Variants in NLK observed in about 807,000 individuals in gnomAD.
NLK encodes serine/threonine-protein kinase NLK.
In NLK, 11 loss-of-function variants were observed where a neutral mutation model predicts 59.0. The ratio of observed to expected loss-of-function variants is 0.19; its 90% confidence interval spans 0.12 to 0.31. NLK has a LOEUF of 0.31. Ranked by LOEUF, NLK falls within the 10% of genes least tolerant of loss-of-function variation. NLK has a pLI of 1.00. For synonymous variants in NLK, 235 were observed against 235.9 expected (o/e 1.00, Z 0.03); for missense variants, 410 against 661.1 (o/e 0.62, Z 4.16).
At chr17:28,129,067 CTT>C (rs757873699) in intron 2 of NLK, among the ~76,000 whole-genome samples, 34 of 152,204 alleles carry the variant, frequency 2.2e-4, no homozygotes, top group Non-Finnish European at 3.8e-4. Context: ...AGACTTCACT[CTT>C]TATTATGCAG....
chr17:28,192,571 G>A, intron 10 of NLK, among the ~76,000 whole-genome samples: 1 of 152,110 alleles, frequency 6.6e-6, no homozygotes, highest in South Asian at 2.1e-4. Context: ...GGGAGGCTGA[G>A]GCAGGAGAAT....
At chr17:28,151,252 T>C (rs1446795043) in intron 3 of NLK, among the ~76,000 whole-genome samples, 4 of 152,170 alleles carry the variant, frequency 2.6e-5, no homozygotes, top group Admixed American at 2.6e-4. Flanking sequence ...ATGCTGGGGA[T>C]TGAGACTTCA....
At chr17:28,096,375 A>G (rs918880095) in intron 1 of NLK, among the ~76,000 whole-genome samples, 1 of 152,192 alleles carries the variant, frequency 6.6e-6, no homozygotes, top group East Asian at 1.9e-4. Flanking sequence ...AAGCTAACCA[A>G]AAGCTTGCAG....
At position 28,175,450 on chromosome 17, in the gene NLK, C is replaced by CA. The variant is rs756212992; in HGVS notation, c.1149+2847dup. Among the ~76,000 whole-genome samples the CA allele has an allele frequency of 9.1e-3, 1,173 of 129,592 alleles. 10 individuals carry two copies. The highest frequency in any genetic ancestry group is 0.015 in the South Asian group (62 of 4,036). 85.0% of individuals were successfully genotyped at this position (129,592 alleles called of 152,430 possible). On this transcript the variant is annotated intron_variant, in intron 7 of 10. Coordinates refer to ENST00000407008, the MANE Select transcript of NLK (RefSeq NM_016231.5). ...TGGGCGACACAGCAAGACTTCGTCT[C>CA]AAAAAAAAAAAAAAATAGTGTAGTG...
At chr17:28,140,840 A>G (rs1906960748) in intron 3 of NLK, among the ~76,000 whole-genome samples, 1 of 152,042 alleles carries the variant, frequency 6.6e-6, no homozygotes, top group Non-Finnish European at 1.5e-5. Flanking sequence ...GCAACTTAAT[A>G]ATTTTCATAG....
At chr17:28,053,450 C>CT (rs1909330070) in intron 1 of NLK, among the ~76,000 whole-genome samples, 1 of 152,202 alleles carries the variant, frequency 6.6e-6, no homozygotes, top group South Asian at 2.1e-4. Context: ...GCCATGTTTG[C>CT]TTTCCTTCCC....
intron 1 of NLK, among the ~76,000 whole-genome samples, chr17:28,108,888 G>T (rs1489201265): frequency 6.6e-6 from 1 of 152,076 alleles, no homozygotes; most frequent in Non-Finnish European, 1.5e-5. Context: ...AAGATTTTAG[G>T]CCGGGCGCAG....
At chr17:28,158,874 G>T (rs1157445675) in intron 3 of NLK, among the ~76,000 whole-genome samples, 1 of 152,054 alleles carries the variant, frequency 6.6e-6, no homozygotes, top group Non-Finnish European at 1.5e-5. Context: ...ATTAGCCTAA[G>T]CCTACACAGG....
At chr17:28,061,334 G>A (rs908928870) in intron 1 of NLK, among the ~76,000 whole-genome samples, 1 of 152,144 alleles carries the variant, frequency 6.6e-6, no homozygotes, top group Non-Finnish European at 1.5e-5. Context: ...GGTCTTGAAC[G>A]AACCCAGAGA....
At chr17:28,131,444 G>A (rs1457327727) in intron 2 of NLK, among the ~76,000 whole-genome samples, 1 of 151,504 alleles carries the variant, frequency 6.6e-6, no homozygotes, top group Non-Finnish European at 1.5e-5. Context: ...TTTGATATAT[G>A]CTTGAGAATT....
chr17:28,086,757 GAGTGGTGGCTCACGC>G (rs1910530585), intron 1 of NLK, among the ~76,000 whole-genome samples: 1 of 151,940 alleles, frequency 6.6e-6, no homozygotes, highest in Non-Finnish European at 1.5e-5. Context: ...TTAAGGCTGA[GAGTGGTGGCTCACGC>G]CTATAATCCC....
At chr17:28,070,164 A>G (rs1909959408) in intron 1 of NLK, among the ~76,000 whole-genome samples, 1 of 151,764 alleles carries the variant, frequency 6.6e-6, no homozygotes, top group Non-Finnish European at 1.5e-5. Context: ...TGAATCCAGG[A>G]GGCGGAGGTT....
chr17:28,051,413 G>A (rs1479701591), intron 1 of NLK, among the ~76,000 whole-genome samples: 1 of 150,798 alleles, frequency 6.6e-6, no homozygotes, highest in Non-Finnish European at 1.5e-5. Flanking sequence ...AGGCTGGAGT[G>A]CAGTGGCATG....
rs76502193 is a variant in NLK, at chr17:28,184,269, T to C, written c.1150-910T>C. On this transcript the variant is annotated intron_variant, in intron 7 of 10. Transcript: ENST00000407008. ...TAATATCTCAGCACCTTTATGGTAA[T>C]GTCATAAGACATAGTTCACATTCTT... Among the ~76,000 whole-genome samples, 112 of 152,374 alleles carry C rather than the reference T, an allele frequency of 7.4e-4. No homozygotes were observed. In the East Asian group the frequency reaches 0.015, roughly 20 times the overall value.
intron 7 of NLK, among the ~76,000 whole-genome samples, chr17:28,176,178 G>A (rs1908670451): frequency 6.6e-6 from 1 of 152,188 alleles, no homozygotes; most frequent in Admixed American, 6.5e-5. Flanking sequence ...GGCCAATTGG[G>A]AGGTCTTCAT....
intron 1 of NLK, among the ~76,000 whole-genome samples, chr17:28,085,296 C>G (rs1910474585): frequency 6.6e-6 from 1 of 152,150 alleles, no homozygotes; most frequent in African/African-American, 2.4e-5. Flanking sequence ...ATTATCATCC[C>G]CCAACCCAGA....
chr17:28,135,590 G>C (rs1906710380), intron 3 of NLK, among the ~76,000 whole-genome samples: 1 of 152,212 alleles, frequency 6.6e-6, no homozygotes, highest in South Asian at 2.1e-4. Context: ...GGCCAGTCTT[G>C]AAGACTTTCG....
At chr17:28,112,446 C>T (rs1905566903) in intron 1 of NLK, among the ~76,000 whole-genome samples, 1 of 151,984 alleles carries the variant, frequency 6.6e-6, no homozygotes, top group Non-Finnish European at 1.5e-5. Context: ...AGAAGCTGAC[C>T]CAAGCTGTGA....
intron 1 of NLK, among the ~76,000 whole-genome samples, chr17:28,105,907 C>A (rs1415473646): frequency 6.6e-6 from 1 of 152,194 alleles, no homozygotes; most frequent in Non-Finnish European, 1.5e-5. Flanking sequence ...TGTCAGACTA[C>A]CAACATATAA....
Sources: allele counts gnomAD v4.1 joint callset (sites outside exome capture counted in the v4.1 genomes callset), GRCh38; gene constraint gnomAD v4.1.1; transcripts MANE v1.5; gene names NCBI Gene and HGNC (gene_info 2026-07-23, HGNC 2026-07-21).